Variants in GSN observed in about 807,000 individuals in gnomAD.
GSN encodes the protein gelsolin, also known as actin-depolymerizing factor.
A neutral mutation model predicts 85.7 loss-of-function variants in GSN; 56 were observed. The observed-to-expected ratio is 0.65, with a 90% CI of 0.53 to 0.82. The LOEUF is 0.82. Among genes scored for constraint, GSN ranks in the 40% least tolerant of loss-of-function variants. GSN has a pLI of 0.00. For missense variants in GSN, 857 were observed against 979.8 expected (o/e 0.87, Z 1.67); for synonymous variants, 373 against 399.1 (o/e 0.93, Z 0.78).
chr9:121,265,706 A>G (rs1021031691), upstream of GSN: 34 of 152,230 alleles, frequency 2.2e-4, no homozygotes, highest in African/African-American at 8.2e-4. Context: ...GAAGATATCA[A>G]AGTTCTTCCA....
chr9:121,279,228 G>A (rs1052088969), intron 1 of GSN, among the ~76,000 whole-genome samples: 7 of 152,214 alleles, frequency 4.6e-5, no homozygotes, highest in Non-Finnish European at 8.8e-5. Context: ...AGCCATGAGG[G>A]CCAAGGCTCA....
At chr9:121,222,785 G>A (rs2054193536) in intron 4 of GSN, 1 of 152,102 alleles carries the variant, frequency 6.6e-6, no homozygotes, top group African/African-American at 2.4e-5. Flanking sequence ...AGGAGTAAAA[G>A]TTTATTAAAA....
At position 121,250,535 on chromosome 9, in the gene GSN, T is replaced by C. The variant is rs138647136; in HGVS notation, c.-341+2212T>C. ...CCCTTTTTGGCTTATCACACCTGTT[T>C]GGTGTGTGTGTGTGTGCTTTGAGAT... On this transcript the variant is annotated intron_variant, in intron 6 of 24. Transcript: ENST00000373823. Among the ~76,000 whole-genome samples, 380 of 151,246 alleles carry C rather than the reference T, an allele frequency of 2.5e-3. 3 individuals are homozygous for C. The highest frequency in any genetic ancestry group is 9.1e-3 in the African/African-American group (369 of 40,708).
intron 5 of GSN, chr9:121,311,585 GC>G (rs2061151506): frequency 6.5e-6 from 1 of 152,838 alleles, no homozygotes; most frequent in Non-Finnish European, 1.5e-5. Context: ...AACCTCACCA[GC>G]CCCTAGAAGG....
intron 1 of GSN, among the ~76,000 whole-genome samples, chr9:121,269,272 G>A (rs1052762477): frequency 1.3e-5 from 2 of 152,098 alleles, no homozygotes; most frequent in Admixed American, 6.5e-5. Context: ...ACCTCTCACC[G>A]CTCTGCCGTT....
intron 7 of GSN, among the ~76,000 whole-genome samples, chr9:121,315,989 A>AATTTCT (rs1355237855): frequency 6.6e-6 from 1 of 152,228 alleles, no homozygotes; most frequent in Non-Finnish European, 1.5e-5. Flanking sequence ...TGCTTAGAAC[A>AATTTCT]GTGACTGGCA....
Position 121,327,291 on chromosome 9 carries a change from A to C in GSN, c.1588-17A>C, listed in dbSNP as rs1478444841. On this transcript the variant is annotated splice_polypyrimidine_tract_variant and intron_variant, in intron 13 of 17. Coordinates refer to ENST00000432226, the MANE Select transcript of GSN (RefSeq NM_198252.3). ...CTTTTTGTCTGGTTCCTGATTAACC[A>C]AGCTGTACCCTCCCAGGTATTGCCT... The C allele has an allele frequency of 3.7e-6, 6 of 1,610,990 alleles. No individual in the cohort carries two copies. Among genetic ancestry groups the C allele is most frequent in the Admixed American group, 1.7e-5 (1 of 59,988 alleles).
intron 7 of GSN, 70 bp from the exon 8 acceptor site, chr9:121,317,016 A>T: frequency 6.2e-7 from 1 of 1,605,256 alleles, no homozygotes; most frequent in Non-Finnish European, 8.5e-7. Flanking sequence ...GTGGGGCAAG[A>T]TGGTGGAAGT....
intron 2 of GSN, chr9:121,282,742 C>CT (rs903158912): frequency 9.3e-5 from 38 of 409,444 alleles, no homozygotes; most frequent in African/African-American, 5.8e-4. Flanking sequence ...ATGCATCTGC[C>CT]TTTGAGACTG....
At chr9:121,255,801 C>A (rs557725022) in intron 6 of GSN, among the ~76,000 whole-genome samples, 1 of 152,190 alleles carries the variant, frequency 6.6e-6, no homozygotes, top group South Asian at 2.1e-4. Flanking sequence ...TGTAAATATG[C>A]CATTTTGCCC....
chr9:121,265,614 CA>C (rs896500042), upstream of GSN: 2 of 152,288 alleles, frequency 1.3e-5, no homozygotes, highest in African/African-American at 4.8e-5. Flanking sequence ...CAGGTACCCC[CA>C]GATTGTCTAA....
chr9:121,303,751 G>T (rs1488256673), intron 4 of GSN, among the ~76,000 whole-genome samples: 1 of 152,166 alleles, frequency 6.6e-6, no homozygotes, highest in African/African-American at 2.4e-5. Flanking sequence ...GGGGGTGGCT[G>T]GGAAATGCCT....
chr9:121,247,850 G>A (rs2054731231), intron 5 of GSN, among the ~76,000 whole-genome samples: 1 of 151,920 alleles, frequency 6.6e-6, no homozygotes, highest in Admixed American at 6.6e-5. Flanking sequence ...TAAAGCCCAG[G>A]TAAAGCAACC....
chr9:121,326,699 G>T lies in GSN; in HGVS notation c.1587+17G>T, dbSNP rs1260725996. On this transcript the variant is annotated intron_variant, in intron 13 of 17. Transcript: ENST00000432226. The stretch of plus-strand genomic sequence containing the variant: ...GCTGTTGAGGTAATTTCCAGGTCCT[G>T]GAACACAGAAGGGATTGGCCTCCCT... The T allele has an allele frequency of 1.2e-6, 2 of 1,607,834 alleles. No individual in the cohort carries two copies. Among genetic ancestry groups the T allele is most frequent in the Non-Finnish European group, 8.5e-7 (1 of 1,175,820 alleles).
At chr9:121,246,888 C>G (rs2054709906) in intron 5 of GSN, among the ~76,000 whole-genome samples, 1 of 152,152 alleles carries the variant, frequency 6.6e-6, no homozygotes, top group Non-Finnish European at 1.5e-5. Context: ...AGGGCCCACT[C>G]CTAAGTGAGT....
intron 2 of GSN, among the ~76,000 whole-genome samples, chr9:121,290,290 T>C (rs879430612): frequency 1.4e-4 from 21 of 152,152 alleles, no homozygotes; most frequent in Non-Finnish European, 2.8e-4. Context: ...CCAGGGACTG[T>C]ATTTTAGGTG....
At chr9:121,282,622 GC>G in intron 2 of GSN, 1 of 771,144 alleles carries the variant, frequency 1.3e-6, no homozygotes, top group Non-Finnish European at 1.8e-6. Flanking sequence ...GGTCTGCCGG[GC>G]CCAGAAAGCT....
At chr9:121,291,286 C>T (rs183973889) in intron 2 of GSN, among the ~76,000 whole-genome samples, 6 of 152,152 alleles carry the variant, frequency 3.9e-5, no homozygotes, top group Admixed American at 2.0e-4. Flanking sequence ...TATGCAAATA[C>T]TGTACTATGC....
At chr9:121,246,395 T>C (rs991956351) in intron 5 of GSN, among the ~76,000 whole-genome samples, 1 of 152,186 alleles carries the variant, frequency 6.6e-6, no homozygotes, top group African/African-American at 2.4e-5. Context: ...GTATTCCATT[T>C]CTATGAATTC....
Sources: gnomAD v4.1 joint callset for allele counts (sites outside exome capture counted in the v4.1 genomes callset) on GRCh38, gnomAD v4.1.1 for gene constraint, MANE v1.5 for transcripts, NCBI Gene and HGNC (gene_info 2026-07-23, HGNC 2026-07-21) for gene names.